The following CNIH3 variants were observed in gnomAD, a reference collection of about 807,000 sequenced individuals.
CNIH3 encodes the protein protein cornichon homolog 3.
A neutral mutation model predicts 24.1 loss-of-function variants in CNIH3; 14 were observed. That is an observed-to-expected ratio of 0.58 (90% confidence interval 0.38 to 0.91). The LOEUF is 0.91. Among genes scored for constraint, CNIH3 ranks in the 40% least tolerant of loss-of-function variants. The probability of loss-of-function intolerance (pLI) is 0.00; values close to 1 mark genes in which losing one functional copy is unlikely to be tolerated. For missense variants in CNIH3, 178 were observed against 196.8 expected, an observed-to-expected ratio of 0.90 and a Z score of 0.57; for synonymous variants, 68 against 73.8, an observed-to-expected ratio of 0.92 and a Z score of 0.40.
chr1:224,554,574 G>T (rs1680057864), intron 3 of CNIH3, among the ~76,000 whole-genome samples: 1 of 148,130 alleles, frequency 6.8e-6, no homozygotes, highest in African/African-American at 2.5e-5. Flanking sequence ...ATTTTTGTAG[G>T]TTTTTTTTTT....
chr1:224,462,830 A>G (rs1014719005), intron 1 of CNIH3, among the ~76,000 whole-genome samples: 11 of 149,606 alleles, frequency 7.4e-5, no homozygotes, highest in African/African-American at 1.7e-4. Context: ...TATTGTAGAC[A>G]TGGGCTGGTC....
At chr1:224,660,024 A>C (rs1251681303) in intron 1 of CNIH3, among the ~76,000 whole-genome samples, 3 of 152,196 alleles carry the variant, frequency 2.0e-5, no homozygotes, top group African/African-American at 7.2e-5. Flanking sequence ...TCTTTTTCAC[A>C]TCTCTCTCCC....
chr1:224,652,855 T>G (rs1372396711), intron 1 of CNIH3, among the ~76,000 whole-genome samples: 11 of 152,172 alleles, frequency 7.2e-5, no homozygotes, highest in Admixed American at 5.9e-4. Flanking sequence ...CACGTGGGCT[T>G]CTTCTCTCTG....
At chr1:224,580,565 G>A (rs1347052196) in intron 4 of CNIH3, among the ~76,000 whole-genome samples, 2 of 152,122 alleles carry the variant, frequency 1.3e-5, no homozygotes, top group East Asian at 1.9e-4. Flanking sequence ...AGGAGGGGTA[G>A]GCCAGTAATC....
rs76333456 is a variant in CNIH3, at chr1:224,586,717, G to A, written n.621-1644G>A. ...AATAGGGTCTTTGCAGATGTAATTA[G>A]TTAAGAATCTTGAGATAAAATCATC... On this transcript the variant is annotated intron_variant and non_coding_transcript_variant, in intron 5 of 5. Coordinates refer to the CNIH3 transcript ENST00000471578. Among the ~76,000 whole-genome samples the A allele has an allele frequency of 2.4e-3, 364 of 152,306 alleles. 9 individuals carry two copies. In the East Asian group the frequency reaches 0.048, roughly 20 times the overall value.
chr1:224,551,009 A>T (rs1558151790), intron 3 of CNIH3, among the ~76,000 whole-genome samples: 2 of 152,088 alleles, frequency 1.3e-5, no homozygotes, highest in Non-Finnish European at 2.9e-5. Context: ...GCGAATCAAA[A>T]CCACAATGAG....
intron 1 of CNIH3, among the ~76,000 whole-genome samples, chr1:224,639,212 C>T (rs544112579): frequency 4.3e-4 from 65 of 152,374 alleles, no homozygotes; most frequent in Non-Finnish European, 8.4e-4. Context: ...AATTGGCAGA[C>T]ACTGCCTAGC....
chr1:224,665,106 T>C (rs1175800620), intron 1 of CNIH3, among the ~76,000 whole-genome samples: 1 of 152,216 alleles, frequency 6.6e-6, no homozygotes, highest in Non-Finnish European at 1.5e-5. Flanking sequence ...CTCTTGAATA[T>C]GTATACATTC....
At chr1:224,474,637 A>C (rs1676495439) in intron 1 of CNIH3, among the ~76,000 whole-genome samples, 1 of 152,130 alleles carries the variant, frequency 6.6e-6, no homozygotes, top group Admixed American at 6.5e-5. Flanking sequence ...TGAAGAAAAC[A>C]ATACAAAAGA....
chr1:224,525,533 A>G (rs1248351912), intron 2 of CNIH3, among the ~76,000 whole-genome samples: 1 of 152,208 alleles, frequency 6.6e-6, no homozygotes, highest in Non-Finnish European at 1.5e-5. Flanking sequence ...TCACTGATGC[A>G]TGGATGCCAC....
At chr1:224,669,637 A>G (rs1349274632) in intron 1 of CNIH3, among the ~76,000 whole-genome samples, 2 of 152,240 alleles carry the variant, frequency 1.3e-5, no homozygotes, top group African/African-American at 4.8e-5. Flanking sequence ...CCGTGAGACC[A>G]GAGGGTGGGG....
At chr1:224,447,106 T>G (rs562742314) in intron 1 of CNIH3, among the ~76,000 whole-genome samples, 125 of 150,292 alleles carry the variant, frequency 8.3e-4, no homozygotes, top group African/African-American at 2.7e-3. Context: ...TGAGAGGGGG[T>G]TTATTAGGGA....
downstream of CNIH3, among the ~76,000 whole-genome samples, chr1:224,589,388 C>G (rs1400179519): frequency 6.6e-6 from 1 of 152,186 alleles, no homozygotes; most frequent in East Asian, 1.9e-4. Context: ...GTTTAGTCTT[C>G]TCAGATGAGA....
chr1:224,621,897 C>T (rs1408876203), intron 1 of CNIH3, among the ~76,000 whole-genome samples: 1 of 152,086 alleles, frequency 6.6e-6, no homozygotes, highest in African/African-American at 2.4e-5. Flanking sequence ...GTAATTGAAT[C>T]GTGGGGGATG....
intron 1 of CNIH3, among the ~76,000 whole-genome samples, chr1:224,496,477 C>CACCA (rs5781371): frequency 6.6e-6 from 1 of 151,522 alleles, no homozygotes; most frequent in Non-Finnish European, 1.5e-5. Flanking sequence ...AAACTGAAGC[C>CACCA]TCCTGATTTT....
chr1:224,574,707 G>T (rs1680961504), intron 4 of CNIH3: 2 of 1,194,936 alleles, frequency 1.7e-6, no homozygotes, highest in Non-Finnish European at 2.5e-6. Flanking sequence ...GGTGAAAGGA[G>T]CCTGCCAGAA....
chr1:224,568,572 C>T (rs1386484332), intron 4 of CNIH3, among the ~76,000 whole-genome samples: 1 of 151,994 alleles, frequency 6.6e-6, no homozygotes, highest in Admixed American at 6.6e-5. Context: ...GCCTGAGCAA[C>T]ATAGTGAGAC....
At chr1:224,453,498 A>G (rs1248964948) in intron 1 of CNIH3, among the ~76,000 whole-genome samples, 1 of 152,082 alleles carries the variant, frequency 6.6e-6, no homozygotes, top group Non-Finnish European at 1.5e-5. Flanking sequence ...TCATGATACT[A>G]TGAAACAAAT....
rs150125509 is a variant in CNIH3 at position 224,482,373 on chromosome 1, T to A, written n.204-33368T>A. On this transcript the variant is annotated intron_variant and non_coding_transcript_variant, in intron 1 of 5. Coordinates refer to the CNIH3 transcript ENST00000471578. ...CACAACTGAAGCCAGCATGTCCGAG[T>A]CTAACCCAAGGCCCTCAGTATGTAC... Among the ~76,000 whole-genome samples, 17 of 152,030 alleles carry A rather than the reference T, an allele frequency of 1.1e-4. No homozygotes were observed. In the East Asian group the frequency reaches 2.3e-3, roughly 21 times the overall value.
Sources: allele counts gnomAD v4.1 joint callset (sites outside exome capture counted in the v4.1 genomes callset), GRCh38; gene constraint gnomAD v4.1.1; transcripts MANE v1.5; gene names NCBI Gene and HGNC (gene_info 2026-07-23, HGNC 2026-07-21).